MEP1A: variants seen among roughly 807,000 people sequenced by gnomAD.
MEP1A encodes the protein meprin A subunit alpha.
MEP1A carries 68 observed loss-of-function variants against 84.5 expected under a neutral mutation model. The ratio of observed to expected loss-of-function variants is 0.80; its 90% confidence interval spans 0.66 to 0.98. The LOEUF is 0.98. Among genes scored for constraint, MEP1A ranks in the 50% least tolerant of loss-of-function variants. The probability of loss-of-function intolerance (pLI) is 0.00; values close to 1 mark genes in which losing one functional copy is unlikely to be tolerated. For synonymous variants in MEP1A, 337 were observed against 336.8 expected (o/e 1.00, Z -0.01); for missense variants, 887 against 919.9 (o/e 0.96, Z 0.46).
At position 46,806,311 on chromosome 6, in the gene MEP1A, G is replaced by T. The variant is rs189292052; in HGVS notation, c.263-3109G>T. On this transcript the variant is annotated intron_variant, in intron 5 of 13. Coordinates refer to ENST00000230588, the MANE Select transcript of MEP1A (RefSeq NM_005588.3). Reference sequence around the variant, plus strand: ...CATTGTGTTACATTGTAGTGATTATGCGTGTTTTCATTCTCCTCTGAATTG... The same window carrying T: ...CATTGTGTTACATTGTAGTGATTATTCGTGTTTTCATTCTCCTCTGAATTG... Among the ~76,000 whole-genome samples the T allele has an allele frequency of 2.0e-3, 311 of 152,124 alleles. 1 individual carries two copies. The highest frequency in any genetic ancestry group is 7.1e-3 in the African/African-American group (293 of 41,524).
chr6:46,835,101 G>T, intron 12 of MEP1A, 148 bp from the exon 13 acceptor site: 1 of 694,688 alleles, frequency 1.4e-6, no homozygotes, highest in Non-Finnish European at 2.4e-6. Flanking sequence ...CTAATACTGT[G>T]GGAATCAGCT....
At position 46,825,069 on chromosome 6, in the gene MEP1A, A is replaced by T. The variant is rs9369638; in HGVS notation, c.557-203A>T. On this transcript the variant is annotated intron_variant, in intron 7 of 13. Coordinates refer to ENST00000230588, the MANE Select transcript of MEP1A (RefSeq NM_005588.3). ...TATTTATAAATTATGTATTTAAATA[A>T]ATCTATTTAAATATTTATAAATTAT... Among the ~76,000 whole-genome samples the T allele has an allele frequency of 9.0e-5, 2 of 22,148 alleles. 1 individual carries two copies. Among genetic ancestry groups the T allele is most frequent in the African/African-American group, 5.6e-4 (2 of 3,598 alleles). The allele number at this position is 22,148 out of a possible 152,430, so 14.5% of individuals were successfully genotyped here.
intron 10 of MEP1A, 116 bp from the exon 11 acceptor site, chr6:46,832,958 G>A (rs1281603302): frequency 9.6e-6 from 6 of 622,136 alleles, no homozygotes; most frequent in Non-Finnish European, 1.7e-5. Context: ...TTATAGGGCT[G>A]TTGTGAGGAT....
At chr6:46,831,294 C>A (rs1768069210) in intron 10 of MEP1A, among the ~76,000 whole-genome samples, 1 of 152,144 alleles carries the variant, frequency 6.6e-6, no homozygotes, top group Admixed American at 6.5e-5. Flanking sequence ...CACTTACACA[C>A]AAAATGTCTC....
At chr6:46,845,959 A>C in the MEP1A span, among the ~76,000 whole-genome samples, 1 of 152,240 alleles carries the variant, frequency 6.6e-6, no homozygotes, top group Non-Finnish European at 1.5e-5. Flanking sequence ...TTAGTTTGAA[A>C]ATTAAATAAA....
At chr6:46,797,041 T>C (rs1437110024) in intron 3 of MEP1A, among the ~76,000 whole-genome samples, 1 of 152,204 alleles carries the variant, frequency 6.6e-6, no homozygotes, top group Non-Finnish European at 1.5e-5. Flanking sequence ...AATGTGTGCA[T>C]GAGGAAGGGA....
At chr6:46,807,789 A>AAGAG (rs1767388878) in intron 5 of MEP1A, among the ~76,000 whole-genome samples, 1 of 133,222 alleles carries the variant, frequency 7.5e-6, no homozygotes, top group East Asian at 2.2e-4. Context: ...GAAAGAAAGA[A>AAGAG]AGAAAGAAAG....
chr6:46,832,865 C>T (rs373039615), intron 10 of MEP1A, among the ~76,000 whole-genome samples: 2 of 152,126 alleles, frequency 1.3e-5, no homozygotes, highest in African/African-American at 4.8e-5. Flanking sequence ...TAAAATAAAT[C>T]ATAGTATTTT....
intron 10 of MEP1A, among the ~76,000 whole-genome samples, chr6:46,831,547 G>A (rs73736667): frequency 0.037 from 5,577 of 152,246 alleles, 95 homozygotes; most frequent in South Asian, 0.061. Flanking sequence ...GCATGTAAAC[G>A]AAACCATCTT....
At chr6:46,807,512 T>TAAAGAAAGAAAGAAAGAAAGAAAG (rs60287159) in intron 5 of MEP1A, among the ~76,000 whole-genome samples, 1 of 49,524 alleles carries the variant, frequency 2.0e-5, no homozygotes, top group African/African-American at 7.3e-5. Flanking sequence ...CCATCTGAAA[T>TAAAGAAAGAAAGAAAGAAAGAAAG]AAAGAAAGAA....
At chr6:46,801,653 T>C (rs1005663438) in intron 5 of MEP1A, among the ~76,000 whole-genome samples, 5 of 152,132 alleles carry the variant, frequency 3.3e-5, no homozygotes, top group East Asian at 3.8e-4. Context: ...TTTTAACTTA[T>C]GGTTTGTGTT....
Position 46,809,945 on chromosome 6 carries a change from C to T in MEP1A, c.380+408C>T, listed in dbSNP as rs188641679. 3.9e-4 allele frequency among the ~76,000 whole-genome samples: 59 copies of T among 151,414 alleles called. 2 individuals carry two copies. In the East Asian group the frequency reaches 9.7e-3, roughly 25 times the overall value. ...AACATCCATGTGCAAGTATCTTTTT[C>T]GTATAATGACTTCTTTTCCTGTGGG... On this transcript the variant is annotated intron_variant, in intron 6 of 13. Transcript: ENST00000230588.
downstream of MEP1A, among the ~76,000 whole-genome samples, chr6:46,840,562 A>G (rs575136795): frequency 6.6e-6 from 1 of 152,318 alleles, no homozygotes; most frequent in Admixed American, 6.5e-5. Context: ...CTGGAAGCCA[A>G]GCATCCTGGC....
At chr6:46,806,588 C>T (rs2150743058) in intron 5 of MEP1A, among the ~76,000 whole-genome samples, 1 of 152,130 alleles carries the variant, frequency 6.6e-6, no homozygotes, top group Middle Eastern at 3.4e-3. Flanking sequence ...TCAGGTTGCT[C>T]AGCCTTCCAA....
chr6:46,832,875 T>A (rs1398223219), intron 10 of MEP1A, among the ~76,000 whole-genome samples, 199 bp from the exon 11 acceptor site: 1 of 152,180 alleles, frequency 6.6e-6, no homozygotes, highest in African/African-American at 2.4e-5. Context: ...CATAGTATTT[T>A]AAAAAACAAT....
In MEP1A at chr6:46,793,698, AT is replaced by A; in HGVS notation, c.130del (p.Ser44GlnfsTer5). On this transcript the variant is annotated frameshift_variant, in exon 3 of 14. Transcript: ENST00000230588. LOFTEE classifies it high-confidence loss of function. Reference protein sequence around the residue: ...HDADFGEQKDISEINLAAGLD... With the variant: ...HDADFGEQKDXSEINLAAGLD... Reference sequence around the variant, plus strand: ...TGCAGATTTTGGTGAACAGAAGGATATTTCAGAAATCAATTTAGGTGAGTTC... The same window carrying A: ...TGCAGATTTTGGTGAACAGAAGGATATTCAGAAATCAATTTAGGTGAGTTC... 6.2e-7 allele frequency: 1 copy of A among 1,609,584 alleles called. No homozygotes were observed. Among genetic ancestry groups the A allele is most frequent in the Non-Finnish European group, 8.5e-7 (1 of 1,176,542 alleles).
At chr6:46,845,664 T>A in the MEP1A span, among the ~76,000 whole-genome samples, 11 of 152,352 alleles carry the variant, frequency 7.2e-5, no homozygotes, top group South Asian at 2.1e-4. Flanking sequence ...GTGGACCTCA[T>A]AAATTTCTCT....
At chr6:46,840,360 G>C (rs574182332), downstream of MEP1A, among the ~76,000 whole-genome samples, 2 of 152,302 alleles carry the variant, frequency 1.3e-5, no homozygotes, top group African/African-American at 4.8e-5. Context: ...TACACCCAGA[G>C]TTTCTGGGTC....
At chr6:46,800,206 T>A (rs115505960) in intron 5 of MEP1A, among the ~76,000 whole-genome samples, 2 of 152,222 alleles carry the variant, frequency 1.3e-5, no homozygotes, top group African/African-American at 4.8e-5. Context: ...CATTACAATT[T>A]GTTTTATCCT....
Sources: allele counts gnomAD v4.1 joint callset (sites outside exome capture counted in the v4.1 genomes callset), GRCh38; gene constraint gnomAD v4.1.1; transcripts MANE v1.5; gene names NCBI Gene and HGNC (gene_info 2026-07-23, HGNC 2026-07-21).